KCNK10: variants seen among roughly 807,000 people sequenced by gnomAD.
The protein encoded by KCNK10 is potassium two pore domain channel subfamily K member 10, also known as potassium channel subfamily K member 10.
A neutral mutation model predicts 47.7 loss-of-function variants in KCNK10; 25 were observed. The observed-to-expected ratio is 0.52, with a 90% CI of 0.38 to 0.73. KCNK10 has a LOEUF of 0.73. KCNK10 is among the 30% of genes least tolerant of loss of function. The pLI, the probability that KCNK10 is intolerant of heterozygous loss-of-function variation, is 0.00. For synonymous variants in KCNK10, 303 were observed against 285.6 expected, an observed-to-expected ratio of 1.06 and a Z score of -0.61; for missense variants, 563 against 714.5, an observed-to-expected ratio of 0.79 and a Z score of 2.42.
Position 88,186,404 on chromosome 14 carries a change from TG to T in KCNK10, c.1012-250del, listed in dbSNP as rs1454826813. On this transcript the variant is annotated intron_variant, in intron 6 of 6. Transcript: ENST00000319231. The surrounding 1 kb of genome is among the most constrained non-coding windows in gnomAD (Gnocchi z 5.5). ...GGGCAACCCCAAGAAGCCTCAGATTTGGAGATGGTGACTTAAAGAGAGGGGG... is the reference window on the plus strand; with the variant it reads ...GGGCAACCCCAAGAAGCCTCAGATTTGAGATGGTGACTTAAAGAGAGGGGG... Among the ~76,000 whole-genome samples, 4 of 152,032 alleles carry T rather than the reference TG, an allele frequency of 2.6e-5. No homozygotes were observed. The highest frequency in any genetic ancestry group is 9.7e-5 in the African/African-American group (4 of 41,396).
intron 2 of KCNK10, 142 bp from the exon 3 acceptor site, chr14:88,240,962 T>C (rs1443833559): frequency 1.1e-5 from 6 of 557,112 alleles, no homozygotes; most frequent in African/African-American, 1.9e-5. Context: ...AAGTGGATGA[T>C]GGTAGCATCC....
At chr14:88,281,751 T>TATATATATATATATAC (rs1491147685) in intron 1 of KCNK10, among the ~76,000 whole-genome samples, 1 of 138,124 alleles carries the variant, frequency 7.2e-6, no homozygotes, top group African/African-American at 2.6e-5. Context: ...TATATATATA[T>TATATATATATATATAC]ACACATACAC....
At chr14:88,241,637 T>C (rs2139891187) in intron 2 of KCNK10, among the ~76,000 whole-genome samples, 1 of 152,284 alleles carries the variant, frequency 6.6e-6, no homozygotes. Context: ...CTCACACTGC[T>C]ATAAATTCCC....
At chr14:88,235,403 C>A (rs942860023) in intron 3 of KCNK10, 3 of 344,126 alleles carry the variant, frequency 8.7e-6, no homozygotes, top group African/African-American at 4.3e-5. Flanking sequence ...AAAAATGTTT[C>A]CAAAATCAGA....
intron 4 of KCNK10, among the ~76,000 whole-genome samples, chr14:88,222,609 GGATGTTGAT>G (rs1885853462): frequency 1.3e-5 from 2 of 152,284 alleles, no homozygotes; most frequent in South Asian, 4.1e-4. Flanking sequence ...GTCTGGTGCG[GGATGTTGAT>G]AATGAGGGAG....
At chr14:88,281,784 A>G (rs1887657105) in intron 1 of KCNK10, among the ~76,000 whole-genome samples, 1 of 149,536 alleles carries the variant, frequency 6.7e-6, no homozygotes, top group South Asian at 2.1e-4. Flanking sequence ...ATATGTACAT[A>G]TATACATATA....
At chr14:88,206,811 T>C (rs1171535860) in intron 4 of KCNK10, among the ~76,000 whole-genome samples, 1 of 152,254 alleles carries the variant, frequency 6.6e-6, no homozygotes, top group African/African-American at 2.4e-5. Flanking sequence ...GAATTATCTG[T>C]ATTGGCAAAG....
At chr14:88,304,938 C>T (rs1408625271) in intron 1 of KCNK10, among the ~76,000 whole-genome samples, 1 of 152,146 alleles carries the variant, frequency 6.6e-6, no homozygotes, top group Non-Finnish European at 1.5e-5. Context: ...TGGCTCATGC[C>T]TATAATCCTA....
intron 2 of KCNK10, among the ~76,000 whole-genome samples, chr14:88,253,725 C>A (rs148818707): frequency 0.021 from 3,254 of 152,150 alleles, 102 homozygotes; most frequent in African/African-American, 0.075. Context: ...CCTGGCAACA[C>A]CCTGTCTCTA....
intron 4 of KCNK10, among the ~76,000 whole-genome samples, chr14:88,212,427 CA>C (rs1885491157): frequency 6.7e-6 from 1 of 150,306 alleles, no homozygotes; most frequent in Non-Finnish European, 1.5e-5. Flanking sequence ...GCAACAAGAG[CA>C]AAACTCCATC....
intron 4 of KCNK10, among the ~76,000 whole-genome samples, chr14:88,197,612 A>AAAAAAAAACT (rs1595074912): frequency 7.6e-6 from 1 of 131,000 alleles, no homozygotes; most frequent in Non-Finnish European, 1.6e-5. Flanking sequence ...AAAAAAAAAA[A>AAAAAAAAACT]TCAACTGTTC....
intron 2 of KCNK10, among the ~76,000 whole-genome samples, chr14:88,246,550 C>T (rs1886648637): frequency 6.6e-6 from 1 of 152,194 alleles, no homozygotes; most frequent in African/African-American, 2.4e-5. Flanking sequence ...ATAAATATTC[C>T]ACAGCCACAC....
At chr14:88,238,220 G>T (rs954645690) in intron 3 of KCNK10, among the ~76,000 whole-genome samples, 4 of 152,182 alleles carry the variant, frequency 2.6e-5, no homozygotes, top group African/African-American at 7.2e-5. Flanking sequence ...AAAAGAGCCC[G>T]CTTGCTCTGA....
rs1248305761 is a variant in KCNK10 at position 88,270,740 on chromosome 14, G to A, written c.53-7189C>T. ...TCCAGAACCCCATCTTCTCTCACCTGAATCACTGCGACAGCCTTCAGTCCT... is the reference window on the plus strand; with the variant it reads ...TCCAGAACCCCATCTTCTCTCACCTAAATCACTGCGACAGCCTTCAGTCCT... On this transcript the variant is annotated intron_variant, in intron 1 of 6. Transcript: ENST00000319231. The A allele has an allele frequency of 2.6e-6, 2 of 780,902 alleles. No homozygotes were observed. Among genetic ancestry groups the A allele is most frequent in the Admixed American group, 3.4e-5 (2 of 59,012 alleles). The allele number at this position is 780,902 out of a possible 1,614,324, so 48.4% of individuals were successfully genotyped here. A position where few individuals can be genotyped will look rare whatever the true frequency, so the allele number is the denominator to read the frequency against.
chr14:88,252,206 C>T (rs531435167), intron 2 of KCNK10, among the ~76,000 whole-genome samples: 14 of 151,996 alleles, frequency 9.2e-5, no homozygotes, highest in East Asian at 1.9e-4. Flanking sequence ...TGAGCCACCA[C>T]GCCCAGCCCC....
rs1468871079 is a variant in KCNK10, at chr14:88,181,885, C to G, written c.*3650G>C. ...CAATGGCCCTTGACAAGTATCTGTG[C>G]TCAACTCCCTCCCTTGATGTGCAGA... On this transcript the variant is annotated 3_prime_UTR_variant, in exon 7 of 7. Coordinates refer to ENST00000319231, the MANE Select transcript of KCNK10 (RefSeq NM_138317.3). The G allele has an allele frequency of 6.6e-6, 1 of 152,234 alleles. No individual in the cohort carries two copies. The highest frequency in any genetic ancestry group is 6.6e-5 in the Admixed American group (1 of 15,264). 9.4% of individuals were successfully genotyped at this position (152,234 alleles called of 1,614,324 possible).
intron 1 of KCNK10, among the ~76,000 whole-genome samples, chr14:88,274,980 C>T (rs575389835): frequency 8.2e-4 from 125 of 152,250 alleles, no homozygotes; most frequent in African/African-American, 2.9e-3. Context: ...CTTCCCCTCA[C>T]CCCTACCCCA....
chr14:88,210,945 C>T (rs1885438527), intron 4 of KCNK10, among the ~76,000 whole-genome samples: 1 of 151,976 alleles, frequency 6.6e-6, no homozygotes, highest in Non-Finnish European at 1.5e-5. Context: ...AACAGTGTCA[C>T]GGTTCCTCAG....
chr14:88,301,939 T>C (rs890064239), intron 1 of KCNK10, among the ~76,000 whole-genome samples: 1 of 152,134 alleles, frequency 6.6e-6, no homozygotes, highest in African/African-American at 2.4e-5. Context: ...GGATCAATTA[T>C]TGGGAGCAAG....
Sources: allele counts gnomAD v4.1 joint callset (sites outside exome capture counted in the v4.1 genomes callset), GRCh38; gene constraint gnomAD v4.1.1; non-coding constraint Gnocchi (gnomAD v3.1); transcripts MANE v1.5; gene names NCBI Gene and HGNC (gene_info 2026-07-23, HGNC 2026-07-21).